ZNF730: variants seen among roughly 807,000 people sequenced by gnomAD.
ZNF730 encodes zinc finger protein 730.
Under a neutral mutation model 12.6 loss-of-function variants are expected in ZNF730, and 12 were observed. The observed-to-expected ratio is 0.95, with a 90% CI of 0.61 to 1.54. ZNF730 has a LOEUF of 1.54. Ranked by LOEUF, ZNF730 falls within the 40% of genes most tolerant of loss-of-function variation. ZNF730 has a pLI of 0.00. For missense variants in ZNF730, 643 were observed against 583.5 expected (o/e 1.10, Z -1.05); for synonymous variants, 194 against 195.8 (o/e 0.99, Z 0.08).
intron 1 of ZNF730, among the ~76,000 whole-genome samples, chr19:23,101,246 GAC>G (rs1385882708): frequency 6.6e-6 from 1 of 152,250 alleles, no homozygotes; most frequent in Non-Finnish European, 1.5e-5. Flanking sequence ...CTGAATGTCA[GAC>G]ACAGAGACTG....
At position 23,146,867 on chromosome 19, in the gene ZNF730, A is replaced by G; in HGVS notation, c.*311A>G. 7 of 677,950 alleles carry G rather than the reference A, an allele frequency of 1.0e-5. No individual in the cohort carries two copies. Among genetic ancestry groups the G allele is most frequent in the South Asian group, 5.5e-5 (3 of 54,776 alleles). The allele number at this position is 677,950 out of a possible 1,614,324, so 42.0% of individuals were successfully genotyped here. On this transcript the variant is annotated 3_prime_UTR_variant, in exon 4 of 4. Coordinates refer to ENST00000597761, the MANE Select transcript of ZNF730 (RefSeq NM_001277403.2). Reference sequence around the variant, plus strand: ...CCTTAATTCTTAACAGACATGATTCATACCAGAGAGAAACTCTACAAACCT... The same window carrying G: ...CCTTAATTCTTAACAGACATGATTCGTACCAGAGAGAAACTCTACAAACCT...
rs150472403 is a variant in ZNF730 at position 23,135,739 on chromosome 19, C to T, written c.131-209C>T. Among the ~76,000 whole-genome samples the T allele has an allele frequency of 9.2e-3, 1,407 of 152,202 alleles. 28 individuals carry two copies. The highest frequency in any genetic ancestry group is 0.033 in the African/African-American group (1,352 of 41,526). On this transcript the variant is annotated intron_variant, in intron 2 of 3. Coordinates refer to ENST00000597761, the MANE Select transcript of ZNF730 (RefSeq NM_001277403.2). Reference sequence around the variant, plus strand: ...TGTTGGCCAGGCTGGTCTTGAACTCCTGACCTTGTGATCTGCCTGCCTCAG... The same window carrying T: ...TGTTGGCCAGGCTGGTCTTGAACTCTTGACCTTGTGATCTGCCTGCCTCAG...
chr19:23,099,234 C>T (rs2145523742), intron 1 of ZNF730, among the ~76,000 whole-genome samples: 1 of 152,264 alleles, frequency 6.6e-6, no homozygotes, highest in Admixed American at 6.5e-5. Context: ...TGAGGACTGT[C>T]CTCTGTGGAC....
At chr19:23,134,700 G>C (rs1390792390) in intron 2 of ZNF730, among the ~76,000 whole-genome samples, 2 of 144,112 alleles carry the variant, frequency 1.4e-5, no homozygotes, top group Non-Finnish European at 3.1e-5. Context: ...CCCTCTGCCC[G>C]GCCACGACCC....
chr19:23,090,248 G>GAA (rs570169306), intron 1 of ZNF730, among the ~76,000 whole-genome samples: 25 of 141,414 alleles, frequency 1.8e-4, no homozygotes, highest in Middle Eastern at 3.5e-3. Context: ...CCATCTCAAA[G>GAA]AAAAAAAAAA....
chr19:23,083,974 T>C (rs567255642), intron 1 of ZNF730, among the ~76,000 whole-genome samples: 1 of 152,306 alleles, frequency 6.6e-6, no homozygotes, highest in African/African-American at 2.4e-5. Context: ...TTTGAAGTCT[T>C]ATTTTAAAAA....
chr19:23,077,423 G>GTTTT (rs1969882469), intron 1 of ZNF730, among the ~76,000 whole-genome samples: 3 of 96,904 alleles, frequency 3.1e-5, no homozygotes, highest in East Asian at 7.9e-4. Flanking sequence ...TTCCCTAAGA[G>GTTTT]CTTTTTTTTT....
rs957653490 is a variant in ZNF730 at position 23,082,621 on chromosome 19, A to G, written c.-94+7234A>G. 2.0e-5 allele frequency among the ~76,000 whole-genome samples: 3 copies of G among 152,334 alleles called. No homozygotes were observed. The East Asian group carries it at 5.8e-4, about 29-fold the overall frequency. ...CTCAGCCTCCCAAAGTGTTGGGATT[A>G]CAGGCGTGAGCCACAGCGCCTGGCA... On this transcript the variant is annotated intron_variant, in intron 1 of 2. Transcript: ENST00000593635.
At chr19:23,085,312 GT>G (rs763868678) in intron 1 of ZNF730, among the ~76,000 whole-genome samples, 1 of 149,768 alleles carries the variant, frequency 6.7e-6, no homozygotes, top group Non-Finnish European at 1.5e-5. Flanking sequence ...ACCTTTGTTT[GT>G]TTTTTTTCTT....
At chr19:23,087,205 C>T (rs975336950) in intron 1 of ZNF730, among the ~76,000 whole-genome samples, 3 of 152,038 alleles carry the variant, frequency 2.0e-5, no homozygotes, top group African/African-American at 4.8e-5. Context: ...ATCAGGTGTT[C>T]GAGACCAGCC....
chr19:23,096,153 C>G (rs1431175702), intron 1 of ZNF730, among the ~76,000 whole-genome samples: 1 of 152,070 alleles, frequency 6.6e-6, no homozygotes, highest in East Asian at 1.9e-4. Context: ...CTGTGAGACC[C>G]TCAATTAGGT....
At chr19:23,084,391 A>G (rs919525958) in intron 1 of ZNF730, among the ~76,000 whole-genome samples, 40 of 152,336 alleles carry the variant, frequency 2.6e-4, no homozygotes, top group African/African-American at 9.6e-4. Context: ...TATAAAAAGT[A>G]TTTCCTAGAC....
chr19:23,086,261 G>A (rs1455068055), intron 1 of ZNF730, among the ~76,000 whole-genome samples: 1 of 152,146 alleles, frequency 6.6e-6, no homozygotes, highest in Non-Finnish European at 1.5e-5. Context: ...CGTAGGTTCT[G>A]TTTACTCTGT....
At chr19:23,137,023 A>C (rs1463986722) in intron 3 of ZNF730, among the ~76,000 whole-genome samples, 3 of 152,044 alleles carry the variant, frequency 2.0e-5, no homozygotes, top group African/African-American at 7.3e-5. Context: ...ACAAAAAATT[A>C]GCCGGACGTG....
chr19:23,108,827 G>A (rs1970426190), intron 1 of ZNF730, among the ~76,000 whole-genome samples: 2 of 152,088 alleles, frequency 1.3e-5, no homozygotes, highest in African/African-American at 2.4e-5. Context: ...TTGGCTCACT[G>A]CAACCTCTGC....
intron 3 of ZNF730, among the ~76,000 whole-genome samples, chr19:23,141,582 A>C (rs1203683540): frequency 6.6e-6 from 1 of 152,226 alleles, no homozygotes; most frequent in Non-Finnish European, 1.5e-5. Context: ...ACACATTTAC[A>C]ATATTAACTA....
chr19:23,087,862 C>T (rs1293667655), intron 1 of ZNF730, among the ~76,000 whole-genome samples: 1 of 152,086 alleles, frequency 6.6e-6, no homozygotes, highest in Non-Finnish European at 1.5e-5. Context: ...GATCCACCAC[C>T]TCGGCCTCCC....
chr19:23,086,783 A>G (rs1242156832), intron 1 of ZNF730, among the ~76,000 whole-genome samples: 1 of 152,008 alleles, frequency 6.6e-6, no homozygotes, highest in Non-Finnish European at 1.5e-5. Flanking sequence ...TGTTTTTTGG[A>G]AAGTTTCATA....
intron 1 of ZNF730, chr19:23,126,596 G>A (rs1970671454): frequency 4.2e-6 from 2 of 476,506 alleles, no homozygotes; most frequent in Non-Finnish European, 8.2e-6. Context: ...GCACTGCCAG[G>A]CAGTTTGGCA....
Sources: gnomAD v4.1 joint callset for allele counts (sites outside exome capture counted in the v4.1 genomes callset) on GRCh38, gnomAD v4.1.1 for gene constraint, MANE v1.5 for transcripts, NCBI Gene and HGNC (gene_info 2026-07-23, HGNC 2026-07-21) for gene names.